ABCG2: variants seen among roughly 807,000 people sequenced by gnomAD.
The protein encoded by ABCG2 is ATP binding cassette subfamily G member 2 (JR blood group).
In ABCG2, 80 loss-of-function variants were observed where a neutral mutation model predicts 73.5. The ratio of observed to expected loss-of-function variants is 1.09; its 90% CI spans 0.91 to 1.31. The LOEUF (loss-of-function observed/expected upper bound fraction) is 1.31, where lower values mean the gene tolerates loss of function less well. Ranked by LOEUF, ABCG2 falls within the 50% of genes most tolerant of loss-of-function variation. The pLI is 0.00. For synonymous variants in ABCG2, 269 were observed against 282.4 expected (o/e 0.95, Z 0.48); for missense variants, 796 against 786.2 (o/e 1.01, Z -0.15).
chr4:88,094,467 G>A (rs2231165), intron 15 of ABCG2, 110 bp downstream of exon 15: 29,484 of 887,146 alleles, frequency 0.033, 1,663 homozygotes, highest in Admixed American at 0.17. Context: ...ACGTAGGCTC[G>A]GAAAAATTCA....
upstream of ABCG2, chr4:88,158,950 G>T (rs907329947): frequency 3.4e-5 from 12 of 348,238 alleles, no homozygotes; most frequent in African/African-American, 2.2e-5. Context: ...CCAGGTCGGG[G>T]TTCGCGGGCG....
chr4:88,119,226 C>T (rs540227429), intron 6 of ABCG2, among the ~76,000 whole-genome samples: 12 of 152,298 alleles, frequency 7.9e-5, no homozygotes, highest in Middle Eastern at 3.4e-3. Flanking sequence ...TTGCCTTCCA[C>T]GAAAATTGTG....
intron 3 of ABCG2, among the ~76,000 whole-genome samples, 153 bp downstream of exon 3, chr4:88,132,423 C>A (rs1032037152): frequency 2.0e-5 from 3 of 152,138 alleles, no homozygotes; most frequent in Non-Finnish European, 4.4e-5. Flanking sequence ...TGGGAAAAAA[C>A]CACGCAACTA....
At chr4:88,142,906 C>A (rs371789150) in intron 1 of ABCG2, among the ~76,000 whole-genome samples, 35 of 152,114 alleles carry the variant, frequency 2.3e-4, no homozygotes, top group African/African-American at 8.0e-4. Flanking sequence ...CGAGATCATG[C>A]CACTGCACTC....
intron 12 of ABCG2, among the ~76,000 whole-genome samples, chr4:88,098,907 A>G (rs1722186626): frequency 6.6e-6 from 1 of 152,060 alleles, no homozygotes; most frequent in Admixed American, 6.6e-5. Context: ...GGCCAGGAGT[A>G]TAAGACCAGC....
chr4:88,185,046 C>T (rs890609758), intron 1 of ABCG2, among the ~76,000 whole-genome samples: 1 of 152,148 alleles, frequency 6.6e-6, no homozygotes, highest in African/African-American at 2.4e-5. Flanking sequence ...AATATCAAAT[C>T]AAAATGGATT....
Position 88,113,388 on chromosome 4 carries a change from G to A in ABCG2, c.1109C>T (p.Thr370Ile). Residue 370 changes from threonine to isoleucine, a missense_variant, in exon 9 of 16, where the codon ACC (threonine) becomes ATC (isoleucine). Coordinates refer to ENST00000237612, the MANE Select transcript of ABCG2 (RefSeq NM_004827.3). ...TCTGAGTTGATGACAGAAGGAGGTGGTGTAGCTGATCTCCTTGAAGACTGT... is the reference window on the plus strand; with the variant it reads ...TCTGAGTTGATGACAGAAGGAGGTGATGTAGCTGATCTCCTTGAAGACTGT... ...KITVFKEISY[T>I]TSFCHQLRWV... The A allele has an allele frequency of 6.2e-7, 1 of 1,614,170 alleles. No individual in the cohort carries two copies. Among genetic ancestry groups the A allele is most frequent in the South Asian group, 1.1e-5 (1 of 91,080 alleles).
chr4:88,096,291 A>C (rs1721978821), intron 13 of ABCG2, among the ~76,000 whole-genome samples: 1 of 152,260 alleles, frequency 6.6e-6, no homozygotes, highest in Non-Finnish European at 1.5e-5. Flanking sequence ...CACCACAAGC[A>C]TACTGGTATA....
chr4:88,136,860 C>CA, intron 2 of ABCG2, among the ~76,000 whole-genome samples: 1 of 151,580 alleles, frequency 6.6e-6, no homozygotes. Context: ...TACTAAGATA[C>CA]AAAAAATTAG....
chr4:88,202,350 T>TTTTATATATATATATATATATATATA (rs1553945696), intron 1 of ABCG2, among the ~76,000 whole-genome samples: 14 of 35,374 alleles, frequency 4.0e-4, no homozygotes, highest in African/African-American at 2.0e-3. Context: ...ATCTCTACAA[T>TTTTATATATATATATATATATATATA]TATTTATATA....
In ABCG2 at chr4:88,158,622, G is replaced by T; in HGVS notation, c.-256C>A. 1 of 456,394 alleles carries T rather than the reference G, an allele frequency of 2.2e-6. No individual in the cohort carries two copies. The highest frequency in any genetic ancestry group is 1.5e-5 in the South Asian group (1 of 64,578). 28.3% of individuals were successfully genotyped at this position (456,394 alleles called of 1,614,324 possible). A position where few individuals can be genotyped will look rare whatever the true frequency, so the allele number is the denominator to read the frequency against. On this transcript the variant is annotated 5_prime_UTR_variant, in exon 1 of 16. The change creates a new upstream start codon in the 5' untranslated region. Transcript: ENST00000237612. ...CTCCTTGCCGCGTCTCTCAATCTCA[G>T]TGGGAGTGGCGGGCACTGCCTCTTC...
chr4:88,099,184 G>T, intron 12 of ABCG2, 140 bp downstream of exon 12: 1 of 753,448 alleles, frequency 1.3e-6, no homozygotes, highest in Non-Finnish European at 2.0e-6. Flanking sequence ...GTTTCAGAGA[G>T]TGCAAAATGG....
chr4:88,143,780 C>T (rs1235744196), intron 1 of ABCG2, among the ~76,000 whole-genome samples: 15 of 149,250 alleles, frequency 1.0e-4, no homozygotes, highest in East Asian at 5.8e-4. Context: ...AGCTGAAGCA[C>T]GTTACATCAA....
At chr4:88,160,839 A>T (rs1317264158), upstream of ABCG2, among the ~76,000 whole-genome samples, 2 of 127,436 alleles carry the variant, frequency 1.6e-5, no homozygotes, top group Admixed American at 1.9e-4. Context: ...ACAACGTGAG[A>T]CTCCATCTCA....
At chr4:88,224,532 C>T (rs1237422900) in intron 1 of ABCG2, among the ~76,000 whole-genome samples, 2 of 151,730 alleles carry the variant, frequency 1.3e-5, no homozygotes, top group African/African-American at 2.4e-5. Context: ...CTCTCTGTTG[C>T]CCAGGCTGGA....
intron 1 of ABCG2, among the ~76,000 whole-genome samples, chr4:88,214,494 G>T (rs1729731455): frequency 6.6e-6 from 1 of 151,980 alleles, no homozygotes. Flanking sequence ...TGTTAGGTAG[G>T]GATAGATAAC....
chr4:88,118,274 G>A lies in ABCG2; in HGVS notation c.690-14C>T, dbSNP rs762695590. On this transcript the variant is annotated splice_polypyrimidine_tract_variant and intron_variant, in intron 6 of 15. Coordinates refer to ENST00000237612, the MANE Select transcript of ABCG2 (RefSeq NM_004827.3). ...TGCTTAGACATCCTAAGTTAAAAGTGAGACAATACTAAGTCATTAAATATC... is the reference window on the plus strand; with the variant it reads ...TGCTTAGACATCCTAAGTTAAAAGTAAGACAATACTAAGTCATTAAATATC... The A allele has an allele frequency of 3.7e-6, 6 of 1,612,666 alleles. No homozygotes were observed. Among genetic ancestry groups the A allele is most frequent in the Non-Finnish European group, 5.1e-6 (6 of 1,179,040 alleles).
chr4:88,148,633 T>C (rs1726213546), intron 1 of ABCG2, among the ~76,000 whole-genome samples: 1 of 152,156 alleles, frequency 6.6e-6, no homozygotes, highest in Non-Finnish European at 1.5e-5. Context: ...TTACAGAAAT[T>C]AATACTTATT....
rs555705097 is a variant in ABCG2 at position 88,122,129 on chromosome 4, G to A, written c.532-337C>T. Among the ~76,000 whole-genome samples the A allele has an allele frequency of 2.6e-5, 4 of 152,132 alleles. No individual in the cohort carries two copies. In the South Asian group the frequency reaches 6.2e-4, roughly 24 times the overall value. ...TGTGCCACGAGGGATGGTGTATTCC[G>A]GCCCACATACTGTACTTTTCCCATG... On this transcript the variant is annotated intron_variant, in intron 5 of 15. Transcript: ENST00000237612.
Sources: gnomAD v4.1 joint callset for allele counts (sites outside exome capture counted in the v4.1 genomes callset) on GRCh38, gnomAD v4.1.1 for gene constraint, MANE v1.5 for transcripts, NCBI Gene and HGNC (gene_info 2026-07-23, HGNC 2026-07-21) for gene names.